Variants in ST8SIA1 observed in about 807,000 individuals in gnomAD.
ST8SIA1 encodes the protein alpha-N-acetylneuraminide alpha-2,8-sialyltransferase.
In ST8SIA1, 16 loss-of-function variants were observed where a neutral mutation model predicts 35.9. The ratio of observed to expected loss-of-function variants is 0.45; its 90% CI spans 0.30 to 0.68. ST8SIA1 has a LOEUF of 0.68. Among genes scored for constraint, ST8SIA1 ranks in the 30% least tolerant of loss-of-function variants. ST8SIA1 has a pLI of 0.09. For synonymous variants in ST8SIA1, 170 were observed against 169.6 expected (o/e 1.00, Z -0.02); for missense variants, 383 against 453.6 (o/e 0.84, Z 1.41).
At chr12:22,317,245 G>A (rs148095238) in intron 1 of ST8SIA1, among the ~76,000 whole-genome samples, 2 of 152,310 alleles carry the variant, frequency 1.3e-5, no homozygotes, top group African/African-American at 4.8e-5. Flanking sequence ...GACGTTGTGG[G>A]TGGGAAAGAG....
intron 2 of ST8SIA1, among the ~76,000 whole-genome samples, chr12:22,262,157 A>T (rs1170839352): frequency 2.0e-5 from 3 of 152,200 alleles, no homozygotes; most frequent in Admixed American, 1.3e-4. Flanking sequence ...GGTGTTTTAT[A>T]GCATGCATGA....
chr12:22,280,517 C>T (rs999983258), intron 2 of ST8SIA1, among the ~76,000 whole-genome samples: 6 of 152,092 alleles, frequency 3.9e-5, no homozygotes, highest in South Asian at 4.1e-4. Context: ...GAGCCATAAT[C>T]GGTCTTTGTA....
In ST8SIA1 at chr12:22,211,808, T is replaced by G. The variant is rs571579248; in HGVS notation, c.585-9770A>C. Among the ~76,000 whole-genome samples, 3 of 152,248 alleles carry G rather than the reference T, an allele frequency of 2.0e-5. No homozygotes were observed. In the South Asian group the frequency reaches 6.2e-4, roughly 32 times the overall value. On this transcript the variant is annotated intron_variant, in intron 4 of 4. Transcript: ENST00000396037. ...TTCACTGCAACCTCCACCTCCTGGG[T>G]GCAAGTGATTCTCCTGCATCAGCCT... is the stretch of plus-strand genomic sequence containing the variant.
chr12:22,272,540 C>A (rs1336786770), intron 2 of ST8SIA1, among the ~76,000 whole-genome samples: 2 of 152,192 alleles, frequency 1.3e-5, no homozygotes, highest in African/African-American at 4.8e-5. Flanking sequence ...CACGGCGCTA[C>A]AAAGACTGAA....
At chr12:22,297,448 G>T (rs963424515) in intron 1 of ST8SIA1, among the ~76,000 whole-genome samples, 1 of 151,228 alleles carries the variant, frequency 6.6e-6, no homozygotes, top group African/African-American at 2.4e-5. Flanking sequence ...TACACTTCTG[G>T]TATTTCTGTG....
chr12:22,272,389 C>T (rs11046355), intron 2 of ST8SIA1, among the ~76,000 whole-genome samples: 39,751 of 152,080 alleles, frequency 0.26, 5,368 homozygotes, highest in Middle Eastern at 0.39. Flanking sequence ...ACTGCCCACA[C>T]CAACCAAGGT....
chr12:22,290,522 T>G (rs1342878341), intron 1 of ST8SIA1, among the ~76,000 whole-genome samples: 1 of 151,786 alleles, frequency 6.6e-6, no homozygotes, highest in African/African-American at 2.4e-5. Flanking sequence ...GAAAACATAA[T>G]CAAGAAAAGG....
At chr12:22,246,181 G>C (rs1865599466) in intron 4 of ST8SIA1, among the ~76,000 whole-genome samples, 1 of 152,148 alleles carries the variant, frequency 6.6e-6, no homozygotes, top group African/African-American at 2.4e-5. Context: ...GGGTAGTCTT[G>C]TGGGACTGAG....
At position 22,196,698 on chromosome 12, in the gene ST8SIA1, G is replaced by C. The variant is rs909082583; in HGVS notation, c.*4854C>G. 6.6e-6 allele frequency: 1 copy of C among 152,226 alleles called. No individual in the cohort carries two copies. The highest frequency in any genetic ancestry group is 2.4e-5 in the African/African-American group (1 of 41,456). 9.4% of individuals were successfully genotyped at this position (152,226 alleles called of 1,614,324 possible). A position where few individuals can be genotyped will look rare whatever the true frequency, so the allele number is the denominator to read the frequency against. On this transcript the variant is annotated 3_prime_UTR_variant, in exon 5 of 5. Coordinates refer to ENST00000396037, the MANE Select transcript of ST8SIA1 (RefSeq NM_003034.4). ...AAGGACTCAGACTATCCATATGAAT[G>C]AGGGGGAAAAGTTCCACTTTAGAAT...
chr12:22,239,214 T>C (rs1865511416), intron 4 of ST8SIA1, among the ~76,000 whole-genome samples: 1 of 152,230 alleles, frequency 6.6e-6, no homozygotes, highest in South Asian at 2.1e-4. Flanking sequence ...ATTGATCTGC[T>C]TGATACTTTG....
intron 2 of ST8SIA1, among the ~76,000 whole-genome samples, chr12:22,283,362 G>T (rs990536886): frequency 4.6e-5 from 7 of 152,084 alleles, no homozygotes; most frequent in African/African-American, 1.7e-4. Flanking sequence ...GGAAATTTGT[G>T]TCCTTCCTTG....
At chr12:22,216,807 G>A (rs953991815) in intron 4 of ST8SIA1, among the ~76,000 whole-genome samples, 2 of 152,018 alleles carry the variant, frequency 1.3e-5, no homozygotes, top group Non-Finnish European at 2.9e-5. Flanking sequence ...TTGTATCTTT[G>A]TCACAAAGTG....
intron 4 of ST8SIA1, among the ~76,000 whole-genome samples, chr12:22,239,676 A>C (rs1865517935): frequency 6.6e-6 from 1 of 152,150 alleles, no homozygotes; most frequent in Non-Finnish European, 1.5e-5. Flanking sequence ...GTCTCTGAGA[A>C]TTTACACTAT....
chr12:22,253,964 G>C (rs1461948072), intron 3 of ST8SIA1, among the ~76,000 whole-genome samples: 1 of 152,012 alleles, frequency 6.6e-6, no homozygotes, highest in Non-Finnish European at 1.5e-5. Context: ...CTTAGCTCAG[G>C]GCTCAGAGGT....
chr12:22,330,176 T>C (rs534373448), intron 1 of ST8SIA1, among the ~76,000 whole-genome samples: 1 of 152,302 alleles, frequency 6.6e-6, no homozygotes, highest in African/African-American at 2.4e-5. Flanking sequence ...CTACCATCCT[T>C]GGAGGCTTAC....
In ST8SIA1 at chr12:22,197,732, T is replaced by C. The variant is rs2120590724; in HGVS notation, c.*3820A>G. 1 of 152,278 alleles carries C rather than the reference T, an allele frequency of 6.6e-6. No homozygotes were observed. Among genetic ancestry groups the C allele is most frequent in the East Asian group, 1.9e-4 (1 of 5,182 alleles). 9.4% of individuals were successfully genotyped at this position (152,278 alleles called of 1,614,324 possible). A position where few individuals can be genotyped will look rare whatever the true frequency, so the allele number is the denominator to read the frequency against. ...GATTGCTTCAGGTACAAGTTATATATAGCCTAAACAATTTTTTTTAGCCAA... is the reference window on the plus strand; with the variant it reads ...GATTGCTTCAGGTACAAGTTATATACAGCCTAAACAATTTTTTTTAGCCAA... On this transcript the variant is annotated 3_prime_UTR_variant, in exon 5 of 5. Transcript: ENST00000396037.
rs1866820630 is a variant in ST8SIA1 at position 22,334,456 on chromosome 12, G to C, written c.-224C>G. Reference sequence around the variant, plus strand: ...GATTTCTTTCTAGGGGAAGTGGCTGGGGGTGAAGTCACGATCTATGGCCAT... The same window carrying C: ...GATTTCTTTCTAGGGGAAGTGGCTGCGGGTGAAGTCACGATCTATGGCCAT... On this transcript the variant is annotated 5_prime_UTR_variant, in exon 1 of 5. Transcript: ENST00000396037. 3.4e-6 allele frequency: 2 copies of C among 588,702 alleles called. No individual in the cohort carries two copies. The highest frequency in any genetic ancestry group is 3.0e-5 in the Admixed American group (1 of 33,546). 36.5% of individuals were successfully genotyped at this position (588,702 alleles called of 1,614,324 possible). A position where few individuals can be genotyped will look rare whatever the true frequency, so the allele number is the denominator to read the frequency against.
chr12:22,208,327 T>C (rs903959996), intron 4 of ST8SIA1, among the ~76,000 whole-genome samples: 1 of 152,064 alleles, frequency 6.6e-6, no homozygotes, highest in Non-Finnish European at 1.5e-5. Flanking sequence ...TTGAAGATGT[T>C]ATAATTACCT....
At chr12:22,311,312 G>C (rs749769306) in intron 1 of ST8SIA1, among the ~76,000 whole-genome samples, 2 of 152,096 alleles carry the variant, frequency 1.3e-5, no homozygotes, top group African/African-American at 4.8e-5. Flanking sequence ...GCCACCTAGA[G>C]AGATAATTGG....
Sources: allele counts gnomAD v4.1 joint callset (sites outside exome capture counted in the v4.1 genomes callset), GRCh38; gene constraint gnomAD v4.1.1; transcripts MANE v1.5; gene names NCBI Gene and HGNC (gene_info 2026-07-23, HGNC 2026-07-21).